TRHDE: variants seen among roughly 807,000 people sequenced by gnomAD.
TRHDE encodes thyrotropin releasing hormone degrading enzyme.
TRHDE carries 72 observed loss-of-function variants against 125.7 expected under a neutral mutation model. That is an observed-to-expected ratio of 0.57 (90% CI 0.47 to 0.70). The LOEUF is 0.70. TRHDE is among the 30% of genes least tolerant of loss of function. The pLI, the probability that TRHDE is intolerant of heterozygous loss-of-function variation, is 0.00. For synonymous variants in TRHDE, 509 were observed against 509.1 expected (o/e 1.00, Z 0.00); for missense variants, 1,110 against 1,327.1 (o/e 0.84, Z 2.54).
chr12:72,599,931 C>T (rs2136057836), intron 12 of TRHDE, among the ~76,000 whole-genome samples: 1 of 152,032 alleles, frequency 6.6e-6, no homozygotes, highest in East Asian at 1.9e-4. Flanking sequence ...TAGTGAAAAG[C>T]AGAGCTTTAG....
At chr12:72,187,513 G>A (rs1418235530) in intron 2 of TRHDE, among the ~76,000 whole-genome samples, 2 of 149,668 alleles carry the variant, frequency 1.3e-5, no homozygotes, top group Non-Finnish European at 3.0e-5. Context: ...TGGTGGAGGA[G>A]GAGGAGGAGG....
intron 7 of TRHDE, among the ~76,000 whole-genome samples, chr12:72,549,143 A>G (rs1869556080): frequency 6.6e-6 from 1 of 151,894 alleles, no homozygotes; most frequent in Non-Finnish European, 1.5e-5. Flanking sequence ...AAATATCATT[A>G]TTATTGGTTT....
intron 1 of TRHDE, among the ~76,000 whole-genome samples, chr12:72,089,678 C>T (rs1305999124): frequency 6.6e-6 from 1 of 152,204 alleles, no homozygotes; most frequent in Admixed American, 6.5e-5. Context: ...TGCCACTCCT[C>T]TCCACCTTCC....
intron 2 of TRHDE, among the ~76,000 whole-genome samples, chr12:72,205,963 C>T (rs1877655968): frequency 6.6e-6 from 1 of 152,014 alleles, no homozygotes; most frequent in Admixed American, 6.6e-5. Flanking sequence ...TTTTATAATC[C>T]CACGAATACT....
intron 15 of TRHDE, among the ~76,000 whole-genome samples, chr12:72,625,808 A>G (rs1873233776): frequency 6.6e-6 from 1 of 151,928 alleles, no homozygotes; most frequent in Non-Finnish European, 1.5e-5. Flanking sequence ...ACACTGTTGT[A>G]TGTGGTTCTG....
At chr12:72,159,270 A>T (rs1265315287) in intron 2 of TRHDE, among the ~76,000 whole-genome samples, 3 of 152,224 alleles carry the variant, frequency 2.0e-5, no homozygotes, top group Non-Finnish European at 2.9e-5. Flanking sequence ...AACAAAAACA[A>T]CAATAATTGT....
At chr12:72,266,379 A>C (rs1450225443) in intron 2 of TRHDE, among the ~76,000 whole-genome samples, 2 of 151,980 alleles carry the variant, frequency 1.3e-5, no homozygotes, top group Non-Finnish European at 2.9e-5. Context: ...GTAGATTCCT[A>C]AAGCATGTAA....
At chr12:72,462,943 C>T (rs776550209) in intron 3 of TRHDE, among the ~76,000 whole-genome samples, 3 of 152,196 alleles carry the variant, frequency 2.0e-5, no homozygotes, top group Non-Finnish European at 4.4e-5. Flanking sequence ...ACAAACTTTA[C>T]TGAGTGAGTG....
chr12:72,622,007 A>G (rs1019080239), intron 15 of TRHDE, among the ~76,000 whole-genome samples: 2 of 152,084 alleles, frequency 1.3e-5, no homozygotes, highest in Admixed American at 6.6e-5. Context: ...TTAAGTTGTC[A>G]CCTTATTTCA....
chr12:72,460,250 C>T (rs1353603267), intron 3 of TRHDE, among the ~76,000 whole-genome samples: 1 of 152,114 alleles, frequency 6.6e-6, no homozygotes, highest in Non-Finnish European at 1.5e-5. Context: ...AAAATAGTTG[C>T]AATTATATTC....
chr12:72,255,598 G>A (rs768230267), intron 2 of TRHDE: 3 of 152,212 alleles, frequency 2.0e-5, no homozygotes, highest in Non-Finnish European at 4.4e-5. Flanking sequence ...AGCTTTGGAG[G>A]TAATCTTCCT....
At chr12:72,296,445 A>G (rs1472062564) in intron 2 of TRHDE, among the ~76,000 whole-genome samples, 2 of 152,154 alleles carry the variant, frequency 1.3e-5, no homozygotes, top group African/African-American at 4.8e-5. Flanking sequence ...GAGAAATGGG[A>G]TGGTTCCTGT....
intron 2 of TRHDE, among the ~76,000 whole-genome samples, chr12:72,115,840 G>A (rs2139298108): frequency 6.6e-6 from 1 of 152,176 alleles, no homozygotes; most frequent in Non-Finnish European, 1.5e-5. Context: ...CCATTTATAT[G>A]TCTTTTTTAA....
intron 5 of TRHDE, among the ~76,000 whole-genome samples, chr12:72,486,031 T>G (rs1434871410): frequency 2.0e-5 from 3 of 152,174 alleles, no homozygotes; most frequent in South Asian, 2.1e-4. Context: ...TACCCCACTG[T>G]GTTTTGTTGG....
At chr12:72,516,856 CGTT>C (rs1878890459) in intron 6 of TRHDE, among the ~76,000 whole-genome samples, 2 of 150,756 alleles carry the variant, frequency 1.3e-5, no homozygotes, top group African/African-American at 2.5e-5. Flanking sequence ...TAGCATGAAG[CGTT>C]GTTGAATTTT....
chr12:72,445,920 G>A (rs1875254250), intron 3 of TRHDE, among the ~76,000 whole-genome samples: 1 of 151,830 alleles, frequency 6.6e-6, no homozygotes, highest in Non-Finnish European at 1.5e-5. Context: ...ATTCCCATGT[G>A]GGCACTGGTT....
intron 3 of TRHDE, among the ~76,000 whole-genome samples, chr12:72,468,274 C>G (rs933276380): frequency 6.6e-6 from 1 of 152,170 alleles, no homozygotes; most frequent in East Asian, 1.9e-4. Context: ...ATTTCCTCGA[C>G]ATTGTCTTTC....
At chr12:72,592,930 C>T (rs2136049499) in intron 12 of TRHDE, among the ~76,000 whole-genome samples, 1 of 152,246 alleles carries the variant, frequency 6.6e-6, no homozygotes, top group Non-Finnish European at 1.5e-5. Flanking sequence ...CCAGGCTGGT[C>T]TTGAACTCCT....
intron 2 of TRHDE, among the ~76,000 whole-genome samples, chr12:72,127,131 A>G (rs1156627547): frequency 6.6e-6 from 1 of 152,216 alleles, no homozygotes. Context: ...AATGCAAATC[A>G]AAACCACAAT....
Sources: gnomAD v4.1 joint callset for allele counts (sites outside exome capture counted in the v4.1 genomes callset) on GRCh38, gnomAD v4.1.1 for gene constraint, MANE v1.5 for transcripts, NCBI Gene and HGNC (gene_info 2026-07-23, HGNC 2026-07-21) for gene names.